ZNF407: variants seen among roughly 807,000 people sequenced by gnomAD.
ZNF407 encodes zinc finger protein 407.
ZNF407 carries 17 observed loss-of-function variants against 131.2 expected under a neutral mutation model. The observed-to-expected ratio is 0.13, with a 90% confidence interval of 0.09 to 0.19. The LOEUF (loss-of-function observed/expected upper bound fraction) is 0.19. Ranked by LOEUF, ZNF407 falls within the 10% of genes least tolerant of loss-of-function variation. The pLI, the probability that ZNF407 is intolerant of heterozygous loss-of-function variation, is 1.00. For synonymous variants in ZNF407, 1,156 were observed against 1,062.0 expected (o/e 1.09, Z -1.72); for missense variants, 2,681 against 2,830.6 (o/e 0.95, Z 1.20).
At chr18:74,706,940 C>CTTTTTT (rs34700805) in intron 3 of ZNF407, among the ~76,000 whole-genome samples, 2 of 132,352 alleles carry the variant, frequency 1.5e-5, no homozygotes, top group African/African-American at 3.0e-5. Flanking sequence ...AAGACAGCAG[C>CTTTTTT]TTTTTTTTTT....
chr18:74,720,730 T>C (rs183755412), intron 3 of ZNF407, among the ~76,000 whole-genome samples: 3 of 152,252 alleles, frequency 2.0e-5, no homozygotes, highest in African/African-American at 7.2e-5. Flanking sequence ...ATATCAGATA[T>C]GCAGTTTTGC....
chr18:75,045,401 G>A (rs1363312980), intron 8 of ZNF407, among the ~76,000 whole-genome samples: 2 of 152,090 alleles, frequency 1.3e-5, no homozygotes, highest in Admixed American at 6.5e-5. Flanking sequence ...TTAAGTTGGG[G>A]CATTCAGCAA....
chr18:74,857,613 T>C (rs1970877056), intron 4 of ZNF407, among the ~76,000 whole-genome samples: 1 of 152,126 alleles, frequency 6.6e-6, no homozygotes, highest in Non-Finnish European at 1.5e-5. Flanking sequence ...GAAATAAATA[T>C]AATACTTCAG....
At chr18:74,781,380 G>A in intron 3 of ZNF407, 48 bp from the exon 4 acceptor site, 1 of 1,272,108 alleles carries the variant, frequency 7.9e-7, no homozygotes, top group Non-Finnish European at 1.1e-6. Flanking sequence ...CAGATTTCTA[G>A]TGGAGAGTCA....
chr18:74,707,869 G>C (rs1437663807), intron 3 of ZNF407, among the ~76,000 whole-genome samples: 1 of 152,130 alleles, frequency 6.6e-6, no homozygotes, highest in African/African-American at 2.4e-5. Context: ...AATATTTATT[G>C]AATGAACACA....
intron 3 of ZNF407, among the ~76,000 whole-genome samples, chr18:74,714,396 T>C (rs1049156994): frequency 6.6e-6 from 1 of 152,246 alleles, no homozygotes; most frequent in Non-Finnish European, 1.5e-5. Context: ...TAAAATATGC[T>C]TGTGGTTATA....
intron 1 of ZNF407, among the ~76,000 whole-genome samples, chr18:74,622,970 G>A (rs997796062): frequency 3.3e-5 from 5 of 151,952 alleles, no homozygotes; most frequent in African/African-American, 9.7e-5. Flanking sequence ...ATCTGAGTGC[G>A]TGTGTCAGTG....
At chr18:74,706,330 G>T (rs1257426706) in intron 3 of ZNF407, among the ~76,000 whole-genome samples, 2 of 152,108 alleles carry the variant, frequency 1.3e-5, no homozygotes, top group Non-Finnish European at 1.5e-5. Flanking sequence ...TGTTCTTTGA[G>T]AAATGTTGTA....
chr18:74,779,680 A>G (rs12970392), intron 3 of ZNF407, among the ~76,000 whole-genome samples: 2,055 of 152,120 alleles, frequency 0.014, 16 homozygotes, highest in Non-Finnish European at 0.023. Flanking sequence ...TTTTCTCCCT[A>G]TTTCCTCTAG....
At chr18:74,863,819 T>C (rs1324988858) in intron 4 of ZNF407, among the ~76,000 whole-genome samples, 2 of 152,200 alleles carry the variant, frequency 1.3e-5, no homozygotes, top group East Asian at 3.9e-4. Context: ...GGCTACAGCA[T>C]GTATTCTCTA....
chr18:74,837,861 C>G (rs1187019518), intron 4 of ZNF407, among the ~76,000 whole-genome samples: 1 of 152,008 alleles, frequency 6.6e-6, no homozygotes, highest in Non-Finnish European at 1.5e-5. Flanking sequence ...ACCATGTTAC[C>G]CAGTTTGATC....
At chr18:74,616,595 G>T (rs938921935) in intron 1 of ZNF407, among the ~76,000 whole-genome samples, 1 of 151,696 alleles carries the variant, frequency 6.6e-6, no homozygotes, top group African/African-American at 2.4e-5. Flanking sequence ...GAAGTGATTT[G>T]AAATTTATTA....
rs1971585688 is a variant in ZNF407, at chr18:74,905,617, CT to C, written c.5250-14892del. 1.3e-5 allele frequency: 2 copies of C among 152,308 alleles called. 1 individual carries two copies. Among genetic ancestry groups the C allele is most frequent in the Admixed American group, 1.3e-4 (2 of 15,296 alleles). The allele number at this position is 152,308 out of a possible 1,614,324, so 9.4% of individuals were successfully genotyped here. A position where few individuals can be genotyped will look rare whatever the true frequency, so the allele number is the denominator to read the frequency against. ...GAGGCACTGTGCTGTTTTAGAATCACTTTTTATCGCATAATAAACATGAACA... is the reference window on the plus strand; with the variant it reads ...GAGGCACTGTGCTGTTTTAGAATCACTTTTATCGCATAATAAACATGAACA... On this transcript the variant is annotated intron_variant, in intron 7 of 8. Transcript: ENST00000299687.
At chr18:74,638,459 ACTTC>A (rs1467234822) in intron 2 of ZNF407, among the ~76,000 whole-genome samples, 3 of 152,182 alleles carry the variant, frequency 2.0e-5, no homozygotes, top group Non-Finnish European at 4.4e-5. Context: ...GTAATATACA[ACTTC>A]CTTCATTCCT....
At chr18:74,851,232 T>C (rs1007233063) in intron 4 of ZNF407, among the ~76,000 whole-genome samples, 3 of 152,236 alleles carry the variant, frequency 2.0e-5, no homozygotes, top group Non-Finnish European at 2.9e-5. Context: ...TTATGCTCCA[T>C]GCAAGTATGA....
chr18:74,772,350 T>C (rs1157898007), intron 3 of ZNF407, among the ~76,000 whole-genome samples: 2 of 152,352 alleles, frequency 1.3e-5, no homozygotes, highest in African/African-American at 2.4e-5. Flanking sequence ...CATCTAAATC[T>C]AAATCCCATG....
chr18:74,659,374 A>G (rs1466765586), intron 3 of ZNF407, among the ~76,000 whole-genome samples: 1 of 152,296 alleles, frequency 6.6e-6, no homozygotes, highest in East Asian at 1.9e-4. Context: ...ATTGAAAACA[A>G]TTATGAGGTA....
At chr18:74,942,244 C>T (rs911743112) in intron 8 of ZNF407, among the ~76,000 whole-genome samples, 4 of 152,192 alleles carry the variant, frequency 2.6e-5, no homozygotes, top group East Asian at 1.9e-4. Context: ...CTGTGAAGTG[C>T]GCTGCAGTCT....
chr18:74,664,405 G>GA (rs1030461370), intron 3 of ZNF407, among the ~76,000 whole-genome samples: 26 of 152,156 alleles, frequency 1.7e-4, no homozygotes, highest in African/African-American at 5.3e-4. Flanking sequence ...TGAGGAAGGG[G>GA]AATCACTTGA....
Sources: gnomAD v4.1 joint callset for allele counts (sites outside exome capture counted in the v4.1 genomes callset) on GRCh38, gnomAD v4.1.1 for gene constraint, MANE v1.5 for transcripts, NCBI Gene and HGNC (gene_info 2026-07-23, HGNC 2026-07-21) for gene names.